The following ZFP42 variants were observed in gnomAD, a reference collection of about 807,000 sequenced individuals.
ZFP42 encodes zinc finger protein 42 homolog.
For synonymous variants in ZFP42, 175 were observed against 144.6 expected (o/e 1.21, Z -1.51); for missense variants, 438 against 377.1 (o/e 1.16, Z -1.34).
intron 1 of ZFP42, among the ~76,000 whole-genome samples, chr4:187,997,228 C>CTCT (rs1553987613): frequency 1.7e-5 from 1 of 60,030 alleles, no homozygotes; most frequent in African/African-American, 7.8e-5. Context: ...CTCTCATATT[C>CTCT]TTTTTTTTTT....
At chr4:187,999,885 G>A (rs1320547110) in intron 3 of ZFP42, among the ~76,000 whole-genome samples, 200 bp downstream of exon 3, 2 of 152,136 alleles carry the variant, frequency 1.3e-5, no homozygotes, top group Non-Finnish European at 2.9e-5. Context: ...ATTTTAGTGA[G>A]AAAAAAGAAC....
rs111369517 is a variant in ZFP42 at position 188,002,830 on chromosome 4, G to A, written c.23G>A (p.Arg8Gln). 4.0e-5 allele frequency: 65 copies of A among 1,613,958 alleles called. No homozygotes were observed. Among genetic ancestry groups the A allele is most frequent in the African/African-American group, 6.7e-5 (5 of 75,022 alleles). The change falls in exon 4 of 4, where the codon CGG (arginine) becomes CAG (glutamine). Residue 8 changes from arginine to glutamine, a missense_variant. Physicochemically the swap from Arg to Gln is conservative, Grantham distance 43. Coordinates refer to ENST00000326866, the MANE Select transcript of ZFP42 (RefSeq NM_174900.5). ...AACATGAGCCAGCAACTGAAGAAAC[G>A]GGCAAAGACAAGACACCAGAAAGGC... MSQQLKKRAKTRHQKGLG... is the reference protein window; with the variant it reads MSQQLKKQAKTRHQKGLG...
At chr4:188,001,725 A>G (rs1323387841) in intron 3 of ZFP42, among the ~76,000 whole-genome samples, 7 of 152,334 alleles carry the variant, frequency 4.6e-5, no homozygotes, top group Non-Finnish European at 8.8e-5. Flanking sequence ...TCTAGAAAGA[A>G]CCTGGCGTGT....
At position 187,996,419 on chromosome 4, in the gene ZFP42, TC is replaced by T. The variant is rs1733566952; in HGVS notation, c.-339+581del. Among the ~76,000 whole-genome samples, 4 of 152,272 alleles carry T rather than the reference TC, an allele frequency of 2.6e-5. No homozygotes were observed. The South Asian group carries it at 8.3e-4, about 32-fold the overall frequency. ...TCCGTCTCCCGGGTTCAAGGGATTCTCCTGCCTCAGCCTCCCAAGTAGCTGA... is the reference window on the plus strand; with the variant it reads ...TCCGTCTCCCGGGTTCAAGGGATTCTCTGCCTCAGCCTCCCAAGTAGCTGA... On this transcript the variant is annotated intron_variant, in intron 1 of 3. Coordinates refer to ENST00000326866, the MANE Select transcript of ZFP42 (RefSeq NM_174900.5).
At chr4:188,005,201 A>C (rs925569561), downstream of ZFP42, among the ~76,000 whole-genome samples, 5 of 152,198 alleles carry the variant, frequency 3.3e-5, no homozygotes, top group Non-Finnish European at 7.3e-5. Flanking sequence ...TGGATAAGGG[A>C]TAAACTGTCA....
At position 188,003,605 on chromosome 4, in the gene ZFP42, G is replaced by T; in HGVS notation, c.798G>T (p.Val266=). Residue 266 remains valine (V), a synonymous_variant, in exon 4 of 4, where the codon GTG becomes GTT. Coordinates refer to ENST00000326866, the MANE Select transcript of ZFP42 (RefSeq NM_174900.5). Reference sequence around the variant, plus strand: ...TGGACTTTAATTTGCGTACGCACGTGCGCATCCACACGGGGGAGAAACGTT... The same window carrying T: ...TGGACTTTAATTTGCGTACGCACGTTCGCATCCACACGGGGGAGAAACGTT... ...FSLDFNLRTH[V]RIHTGEKRFV... 6.2e-7 allele frequency: 1 copy of T among 1,613,432 alleles called. No individual in the cohort carries two copies. Among genetic ancestry groups the T allele is most frequent in the Non-Finnish European group, 8.5e-7 (1 of 1,180,024 alleles).
In ZFP42 at chr4:187,999,635, G is replaced by A. The variant is rs976980663; in HGVS notation, c.-146G>A. On this transcript the variant is annotated 5_prime_UTR_variant, in exon 3 of 4. In the 5' UTR this introduces an upstream ATG that the reference lacks. Transcript: ENST00000326866. ...CAAATGTACTGAGGCTGGAGCCTGT[G>A]TGAACAGAACAGAAGAGGCCTTCAC... 14 of 152,316 alleles carry A rather than the reference G, an allele frequency of 9.2e-5. No individual in the cohort carries two copies. Among genetic ancestry groups the A allele is most frequent in the African/African-American group, 7.2e-5 (3 of 41,474 alleles). 9.4% of individuals were successfully genotyped at this position (152,316 alleles called of 1,614,324 possible). A position where few individuals can be genotyped will look rare whatever the true frequency, so the allele number is the denominator to read the frequency against.
At chr4:187,996,014 T>A (rs1225655171) in intron 1 of ZFP42, among the ~76,000 whole-genome samples, 174 bp downstream of exon 1, 2 of 152,202 alleles carry the variant, frequency 1.3e-5, no homozygotes, top group African/African-American at 4.8e-5. Context: ...CGCCCTGCGG[T>A]GACCCGTGGC....
Position 188,002,870 on chromosome 4 carries a change from C to T in ZFP42, c.63C>T (p.Ala21=), listed in dbSNP as rs139450546. The T allele has an allele frequency of 5.5e-4, 882 of 1,614,144 alleles. 10 individuals are homozygous for T. In the East Asian group the frequency reaches 0.018, roughly 33 times the overall value. The part of the protein sequence containing the change: ...TRHQKGLGGR[A]PSGAKPRQGK... ...ACCAGAAAGGCCTGGGTGGAAGAGC[C>T]CCCAGTGGGGCTAAGCCCAGGCAAG... The change falls in exon 4 of 4, where the codon GCC becomes GCT. Residue 21 remains alanine (A), a synonymous_variant. Transcript: ENST00000326866.
rs1236738299 is a variant in ZFP42 at position 187,995,986 on chromosome 4, C to G, written c.-339+146C>G. ...GGGACCAGGCCGGAGCCGGCCTCGC[C>G]GGGAGACTTGTAGCCCTCGCCCTGC... On this transcript the variant is annotated intron_variant, in intron 1 of 3. Coordinates refer to ENST00000326866, the MANE Select transcript of ZFP42 (RefSeq NM_174900.5). 5 of 152,334 alleles carry G rather than the reference C, an allele frequency of 3.3e-5. No individual in the cohort carries two copies. The South Asian group carries it at 1.0e-3, about 31-fold the overall frequency. The allele number at this position is 152,334 out of a possible 1,614,324, so 9.4% of individuals were successfully genotyped here.
intron 1 of ZFP42, among the ~76,000 whole-genome samples, chr4:187,998,137 G>A (rs1400839273): frequency 6.6e-6 from 1 of 152,170 alleles, no homozygotes; most frequent in East Asian, 1.9e-4. Flanking sequence ...GGGAGTTGGA[G>A]ACCAGCCTGA....
chr4:187,996,510 A>G lies in ZFP42; in HGVS notation c.-339+670A>G, dbSNP rs540793897. Among the ~76,000 whole-genome samples the G allele has an allele frequency of 2.4e-4, 37 of 151,642 alleles. No homozygotes were observed. In the East Asian group the frequency reaches 7.3e-3, roughly 30 times the overall value. On this transcript the variant is annotated intron_variant, in intron 1 of 3. Transcript: ENST00000326866. ...ATTTTAGTAGAGACGGGGTTTCACC[A>G]TGTTGGTCAGGCTGGTCTCGAACTC...
At chr4:187,996,889 T>G (rs1346635612) in intron 1 of ZFP42, among the ~76,000 whole-genome samples, 1 of 152,206 alleles carries the variant, frequency 6.6e-6, no homozygotes, top group Non-Finnish European at 1.5e-5. Flanking sequence ...ATGGTTTCCT[T>G]GGGACCTGGG....
chr4:188,002,975 T>C lies in ZFP42; in HGVS notation c.168T>C (p.Tyr56=). Residue 56 remains tyrosine, a synonymous_variant, in exon 4 of 4, where the codon TAT becomes TAC. Coordinates refer to ENST00000326866, the MANE Select transcript of ZFP42 (RefSeq NM_174900.5). The stretch of plus-strand genomic sequence containing the variant: ...CCTTATGTGATGGCTATGTGTGCTA[T>C]GAGCCTGGCCCTCAGGCTCTCGGAG... ...VWALCDGYVC[Y]EPGPQALGGD... 1 of 1,614,088 alleles carries C rather than the reference T, an allele frequency of 6.2e-7. No homozygotes were observed. Among genetic ancestry groups the C allele is most frequent in the Non-Finnish European group, 8.5e-7 (1 of 1,180,012 alleles).
rs746539775 is a variant in ZFP42 at position 188,002,879 on chromosome 4, G to A, written c.72G>A (p.Gly24=). Residue 24 remains glycine (G), a synonymous_variant, in exon 4 of 4, where the codon GGG becomes GGA. Coordinates refer to ENST00000326866, the MANE Select transcript of ZFP42 (RefSeq NM_174900.5). The part of the protein sequence containing the change: ...QKGLGGRAPS[G]AKPRQGKSSQ... Reference sequence around the variant, plus strand: ...GCCTGGGTGGAAGAGCCCCCAGTGGGGCTAAGCCCAGGCAAGGCAAGTCAA... The same window carrying A: ...GCCTGGGTGGAAGAGCCCCCAGTGGAGCTAAGCCCAGGCAAGGCAAGTCAA... 1 of 1,614,202 alleles carries A rather than the reference G, an allele frequency of 6.2e-7. No individual in the cohort carries two copies. The highest frequency in any genetic ancestry group is 2.2e-5 in the East Asian group (1 of 44,866).
At chr4:187,996,970 T>C (rs1733598950) in intron 1 of ZFP42, among the ~76,000 whole-genome samples, 1 of 149,420 alleles carries the variant, frequency 6.7e-6, no homozygotes, top group Admixed American at 6.7e-5. Context: ...CCCACCTTCC[T>C]GCCCGCCATA....
chr4:187,996,691 T>C (rs1733583748), intron 1 of ZFP42, among the ~76,000 whole-genome samples: 1 of 152,102 alleles, frequency 6.6e-6, no homozygotes, highest in Non-Finnish European at 1.5e-5. Flanking sequence ...TGGTTCTTTC[T>C]CCTGTTTTCC....
rs1733883528 is a variant in ZFP42, at chr4:188,002,858, G to C, written c.51G>C (p.Leu17=). ...KRAKTRHQKG[L]GGRAPSGAKP... Reference sequence around the variant, plus strand: ...CAAAGACAAGACACCAGAAAGGCCTGGGTGGAAGAGCCCCCAGTGGGGCTA... The same window carrying C: ...CAAAGACAAGACACCAGAAAGGCCTCGGTGGAAGAGCCCCCAGTGGGGCTA... Residue 17 remains leucine (L), a synonymous_variant, in exon 4 of 4, where the codon CTG becomes CTC. Transcript: ENST00000326866. The C allele has an allele frequency of 6.2e-7, 1 of 1,614,072 alleles. No individual in the cohort carries two copies. Among genetic ancestry groups the C allele is most frequent in the African/African-American group, 1.3e-5 (1 of 74,936 alleles).
intron 3 of ZFP42, among the ~76,000 whole-genome samples, chr4:188,000,661 A>G (rs73019319): frequency 0.11 from 17,467 of 152,140 alleles, 1,312 homozygotes; most frequent in South Asian, 0.26. Flanking sequence ...GGCACGAGCC[A>G]CTGCACCCAG....
Sources: gnomAD v4.1 joint callset for allele counts (sites outside exome capture counted in the v4.1 genomes callset) on GRCh38, gnomAD v4.1.1 for gene constraint, MANE v1.5 for transcripts, NCBI Gene and HGNC (gene_info 2026-07-23, HGNC 2026-07-21) for gene names.